SURF6: variants seen among roughly 807,000 people sequenced by gnomAD.
SURF6 encodes surfeit locus protein 6.
SURF6 carries 28 observed loss-of-function variants against 37.5 expected under a neutral mutation model. The observed-to-expected ratio is 0.75, with a 90% CI of 0.55 to 1.02. The LOEUF (loss-of-function observed/expected upper bound fraction) is 1.02, where lower values mean the gene tolerates loss of function less well. Among genes scored for constraint, SURF6 ranks in the 50% least tolerant of loss-of-function variants. The pLI is 0.00. For synonymous variants in SURF6, 248 were observed against 210.9 expected (o/e 1.18, Z -1.52); for missense variants, 560 against 490.5 (o/e 1.14, Z -1.34).
Position 133,331,913 on chromosome 9 carries a change from C to A in SURF6, c.1042G>T (p.Gly348Cys). The part of the protein sequence containing the change: ...ERRLLRARKK[G>C]RILPQDLERA... ...TCCAGGTCCTGCGGCAGGATGCGGC[C>A]CTTCTTGCGGGCTCTGAGCAGGCGG... The change falls in exon 5 of 5, where the codon GGC (glycine) becomes TGC (cysteine). Residue 348 changes from glycine (G) to cysteine (C), a missense_variant. Physicochemically the swap from Gly to Cys is radical, Grantham distance 159. Transcript: ENST00000372022. 6.4e-7 allele frequency: 1 copy of A among 1,555,032 alleles called. No homozygotes were observed.
rs1275031804 is a variant in SURF6 at position 133,332,271 on chromosome 9, G to A, written c.684C>T (p.Leu228=). ...GGTAGTTCCTCCCGGTCAGCGGCGT[G>A]AGGTTCCCCTTCACCCTCTGCCTCT... ...KEKRQRVKGN[L]TPLTGRNYRQ... is the part of the protein sequence containing the mutation. The change falls in exon 5 of 5, where the codon CTC becomes CTT. Residue 228 remains leucine, a synonymous_variant. Transcript: ENST00000372022. 2.5e-5 allele frequency: 40 copies of A among 1,602,670 alleles called. No homozygotes were observed. Among genetic ancestry groups the A allele is most frequent in the Non-Finnish European group, 3.4e-5 (40 of 1,179,346 alleles).
chr9:133,333,687 T>C (rs1028612607), intron 3 of SURF6, 31 bp downstream of exon 3: 1 of 1,604,818 alleles, frequency 6.2e-7, no homozygotes. Flanking sequence ...GGCAGAGCAG[T>C]GACGGCACTC....
intron 4 of SURF6, 79 bp downstream of exon 4, chr9:133,332,465 GGAGA>G: frequency 1.3e-6 from 2 of 1,553,776 alleles, no homozygotes; most frequent in Admixed American, 1.9e-5. Context: ...GATGGGGTTC[GGAGA>G]GAGATCATGA....
rs1330246897 is a variant in SURF6 at position 133,329,194 on chromosome 9, A to AC, written c.*2674dup. ...CTTCTGCATATCAGAGACTTTTAGT[A>AC]CTTTCACTAATTTACTACTGCTATC... On this transcript the variant is annotated 3_prime_UTR_variant, in exon 5 of 5. Transcript: ENST00000372022. 6.5e-6 allele frequency: 1 copy of AC among 153,060 alleles called. No homozygotes were observed. Among genetic ancestry groups the AC allele is most frequent in the African/African-American group, 2.4e-5 (1 of 41,472 alleles). 9.5% of individuals were successfully genotyped at this position (153,060 alleles called of 1,614,324 possible).
chr9:133,334,623 A>C (rs1298740296), intron 1 of SURF6, 22 bp from the exon 2 acceptor site: 2 of 1,602,066 alleles, frequency 1.2e-6, no homozygotes, highest in East Asian at 2.2e-5. Context: ...AATAAGAAAG[A>C]GTTAAGTCCC....
Position 133,328,845 on chromosome 9 carries a change from G to A in SURF6, c.*3024C>T, listed in dbSNP as rs1265572787. On this transcript the variant is annotated 3_prime_UTR_variant, in exon 5 of 5. Coordinates refer to ENST00000372022, the MANE Select transcript of SURF6 (RefSeq NM_006753.6). ...GGTATTTGTAGGGACCAGCCCCACA[G>A]GGTCCGTGGGTCTCTCCCTCCCTGT... 1 of 152,246 alleles carries A rather than the reference G, an allele frequency of 6.6e-6. No individual in the cohort carries two copies. Among genetic ancestry groups the A allele is most frequent in the African/African-American group, 2.4e-5 (1 of 41,450 alleles). 9.4% of individuals were successfully genotyped at this position (152,246 alleles called of 1,614,324 possible).
At chr9:133,332,388 A>T (rs2129918145) in intron 4 of SURF6, 40 bp from the exon 5 acceptor site, 1 of 1,544,892 alleles carries the variant, frequency 6.5e-7, no homozygotes, top group Non-Finnish European at 8.7e-7. Flanking sequence ...CCAGCCCTGC[A>T]CTAGGCCCCA....
chr9:133,332,209 C>A lies in SURF6; in HGVS notation c.746G>T (p.Arg249Leu). ...LLERLQARQS[R>L]LDELRGQDEG... ...ATCCTGGCCGCGCAGCTCGTCCAGCCGGCTCTGCCGTGCCTGCAGGCGCTC... is the reference window on the plus strand; with the variant it reads ...ATCCTGGCCGCGCAGCTCGTCCAGCAGGCTCTGCCGTGCCTGCAGGCGCTC... Residue 249 changes from arginine to leucine, a missense_variant, in exon 5 of 5, where the codon CGG (arginine) becomes CTG (leucine). Arg to Leu is a moderately radical substitution (Grantham distance 102, BLOSUM62 -2). Transcript: ENST00000372022. 6.2e-7 allele frequency: 1 copy of A among 1,608,122 alleles called. No homozygotes were observed. The highest frequency in any genetic ancestry group is 1.3e-5 in the African/African-American group (1 of 75,070).
In SURF6 at chr9:133,331,753, C is replaced by T. The variant is rs10793964; in HGVS notation, c.*116G>A. 11 of 1,353,310 alleles carry T rather than the reference C, an allele frequency of 8.1e-6. No homozygotes were observed. Among genetic ancestry groups the T allele is most frequent in the Non-Finnish European group, 1.1e-5 (11 of 1,041,110 alleles). The allele number at this position is 1,353,310 out of a possible 1,614,324, so 83.8% of individuals were successfully genotyped here. Reference sequence around the variant, plus strand: ...ACTCAGCAGAGCACCACTGTGTCCCCCTCACATGGAGAGGCCGAGGTCTGT... The same window carrying T: ...ACTCAGCAGAGCACCACTGTGTCCCTCTCACATGGAGAGGCCGAGGTCTGT... On this transcript the variant is annotated 3_prime_UTR_variant, in exon 5 of 5. Transcript: ENST00000372022.
chr9:133,329,806 CG>C lies in SURF6; in HGVS notation c.*2062del, dbSNP rs1377005430. The C allele has an allele frequency of 1.3e-5, 2 of 152,244 alleles. No homozygotes were observed. The highest frequency in any genetic ancestry group is 2.9e-5 in the Non-Finnish European group (2 of 68,044). The allele number at this position is 152,244 out of a possible 1,614,324, so 9.4% of individuals were successfully genotyped here. On this transcript the variant is annotated 3_prime_UTR_variant, in exon 5 of 5. Coordinates refer to ENST00000372022, the MANE Select transcript of SURF6 (RefSeq NM_006753.6). ...AGCTCGTGTCCTCTGTCTCTTGCCT[CG>C]GCGCCTGGGTGGCTTGCCGCCCACA...
At chr9:133,333,597 TG>T in intron 3 of SURF6, 120 bp downstream of exon 3, 1 of 856,978 alleles carries the variant, frequency 1.2e-6, no homozygotes, top group Non-Finnish European at 1.9e-6. Context: ...GCACACCTGC[TG>T]GGGCCCTGCC....
In SURF6 at chr9:133,329,370, CAG is replaced by C. The variant is rs2129902349; in HGVS notation, c.*2497_*2498del. On this transcript the variant is annotated 3_prime_UTR_variant, in exon 5 of 5. Transcript: ENST00000372022. Reference sequence around the variant, plus strand: ...AGGCCCTCCACAAGAGGTGGAAGAGCAGAGTCTTCTCTAAACTCCTCCAGGGA... The same window carrying C: ...AGGCCCTCCACAAGAGGTGGAAGAGCAGTCTTCTCTAAACTCCTCCAGGGA... The C allele has an allele frequency of 1.4e-4, 29 of 210,158 alleles. 1 individual carries two copies. Among genetic ancestry groups the C allele is most frequent in the South Asian group, 1.0e-3 (16 of 15,540 alleles). 13.0% of individuals were successfully genotyped at this position (210,158 alleles called of 1,614,324 possible).
At chr9:133,335,248 A>G (rs1835843054) in intron 1 of SURF6, among the ~76,000 whole-genome samples, 1 of 152,060 alleles carries the variant, frequency 6.6e-6, no homozygotes, top group African/African-American at 2.4e-5. Context: ...ATGAGGCCGC[A>G]CGGCCGGACA....
In SURF6 at chr9:133,329,602, GCTC is replaced by G. The variant is rs1835674429; in HGVS notation, c.*2264_*2266del. ...TTCTGGTCACACCTATGTCCCCTCA[GCTC>G]CTATCTCTGTATGGCCTGGTTTTTC... On this transcript the variant is annotated 3_prime_UTR_variant, in exon 5 of 5. Coordinates refer to ENST00000372022, the MANE Select transcript of SURF6 (RefSeq NM_006753.6). 6.4e-6 allele frequency: 1 copy of G among 155,120 alleles called. No individual in the cohort carries two copies. The highest frequency in any genetic ancestry group is 1.4e-5 in the Non-Finnish European group (1 of 69,884). The allele number at this position is 155,120 out of a possible 1,614,324, so 9.6% of individuals were successfully genotyped here.
In SURF6 at chr9:133,336,123, G is replaced by A. The variant is rs782267795; in HGVS notation, c.10C>T (p.Leu4=). 3 of 1,611,938 alleles carry A rather than the reference G, an allele frequency of 1.9e-6. No homozygotes were observed. The highest frequency in any genetic ancestry group is 1.6e-4 in the Middle Eastern group (1 of 6,080). Reference sequence around the variant, plus strand: ...TGCAGGTAGGCGTCCTTGGCGAGTAGAGAGGCCATGGCGGAGACCCGGGCC... The same window carrying A: ...TGCAGGTAGGCGTCCTTGGCGAGTAAAGAGGCCATGGCGGAGACCCGGGCC... MAS[L]LAKDAYLQSL... is the part of the protein sequence containing the mutation. Residue 4 remains leucine (L), a synonymous_variant, in exon 1 of 5, where the codon CTA becomes TTA. Coordinates refer to ENST00000372022, the MANE Select transcript of SURF6 (RefSeq NM_006753.6).
Position 133,332,229 on chromosome 9 carries a change from G to A in SURF6, c.726C>T (p.Arg242=), listed in dbSNP as rs1390249486. ...CCAGCCGGCTCTGCCGTGCCTGCAG[G>A]CGCTCCAGCAGCTGCCGGTAGTTCC... ...TGRNYRQLLE[R]LQARQSRLDE... Residue 242 remains arginine, a synonymous_variant, in exon 5 of 5, where the codon CGC becomes CGT. Coordinates refer to ENST00000372022, the MANE Select transcript of SURF6 (RefSeq NM_006753.6). 1 of 1,606,314 alleles carries A rather than the reference G, an allele frequency of 6.2e-7. No individual in the cohort carries two copies. The highest frequency in any genetic ancestry group is 2.2e-5 in the East Asian group (1 of 44,876).
intron 3 of SURF6, 127 bp downstream of exon 3, chr9:133,333,591 A>G: frequency 1.2e-6 from 1 of 804,408 alleles, no homozygotes; most frequent in Non-Finnish European, 2.1e-6. Flanking sequence ...CCCAGAGCAC[A>G]CCTGCTGGGG....
chr9:133,335,510 A>C (rs1057176028), intron 1 of SURF6, among the ~76,000 whole-genome samples: 15 of 152,122 alleles, frequency 9.9e-5, no homozygotes, highest in Middle Eastern at 3.4e-3. Context: ...CCCAGACAGC[A>C]CTGACACGTC....
At position 133,330,244 on chromosome 9, in the gene SURF6, A is replaced by T. The variant is rs907170509; in HGVS notation, c.*1625T>A. 3 of 151,758 alleles carry T rather than the reference A, an allele frequency of 2.0e-5. No individual in the cohort carries two copies. The highest frequency in any genetic ancestry group is 7.3e-5 in the African/African-American group (3 of 41,320). 9.4% of individuals were successfully genotyped at this position (151,758 alleles called of 1,614,324 possible). A position where few individuals can be genotyped will look rare whatever the true frequency, so the allele number is the denominator to read the frequency against. ...TTTAGCTCTGTTCCACAAATCTTAA[A>T]TTTTTTCTTTTTGAGACAGTCTTGC... is the stretch of plus-strand genomic sequence containing the variant. On this transcript the variant is annotated 3_prime_UTR_variant, in exon 5 of 5. Transcript: ENST00000372022.
Sources: gnomAD v4.1 joint callset for allele counts (sites outside exome capture counted in the v4.1 genomes callset) on GRCh38, gnomAD v4.1.1 for gene constraint, MANE v1.5 for transcripts, NCBI Gene and HGNC (gene_info 2026-07-23, HGNC 2026-07-21) for gene names.